The following FRMD4A variants were observed in gnomAD, a reference collection of about 807,000 sequenced individuals.
FRMD4A encodes the protein FERM domain-containing protein 4A.
In FRMD4A, 29 loss-of-function variants were observed where a neutral mutation model predicts 129.1. That is an observed-to-expected ratio of 0.22 (90% CI 0.17 to 0.31). FRMD4A has a LOEUF of 0.31. Among genes scored for constraint, FRMD4A ranks in the 10% least tolerant of loss-of-function variants. The pLI, the probability that FRMD4A is intolerant of heterozygous loss-of-function variation, is 1.00. For missense variants in FRMD4A, 1,272 were observed against 1,375.8 expected (o/e 0.92, Z 1.19); for synonymous variants, 634 against 571.6 (o/e 1.11, Z -1.56).
At chr10:13,740,059 C>G in intron 11 of FRMD4A, 135 bp downstream of exon 11, 3 of 664,368 alleles carry the variant, frequency 4.5e-6, no homozygotes, top group Non-Finnish European at 8.0e-6. Flanking sequence ...AAGATCGCAC[C>G]CTGCACACCA....
chr10:14,264,415 C>T (rs1844908234), intron 2 of FRMD4A, among the ~76,000 whole-genome samples: 1 of 152,192 alleles, frequency 6.6e-6, no homozygotes, highest in African/African-American at 2.4e-5. Flanking sequence ...ACAACAACAA[C>T]AACAAAAGTG....
chr10:14,231,750 GT>G (rs1467509003), intron 2 of FRMD4A, among the ~76,000 whole-genome samples: 1 of 152,038 alleles, frequency 6.6e-6, no homozygotes, highest in Non-Finnish European at 1.5e-5. Flanking sequence ...GTTTGTTTAT[GT>G]TTTTTGCTCA....
intron 4 of FRMD4A, among the ~76,000 whole-genome samples, chr10:13,807,090 A>G (rs2093368230): frequency 6.6e-6 from 1 of 152,202 alleles, no homozygotes; most frequent in Non-Finnish European, 1.5e-5. Context: ...TACAGGTGTG[A>G]GCCACCGCGC....
chr10:14,187,525 A>G (rs1842185935), intron 2 of FRMD4A, among the ~76,000 whole-genome samples: 1 of 152,204 alleles, frequency 6.6e-6, no homozygotes, highest in Non-Finnish European at 1.5e-5. Context: ...CCTATATCCC[A>G]TGCCTTTCTC....
intron 6 of FRMD4A, among the ~76,000 whole-genome samples, chr10:13,762,906 T>C (rs78839648): frequency 0.013 from 2,020 of 151,704 alleles, 82 homozygotes; most frequent in South Asian, 0.12. Flanking sequence ...AGGTGGGAGG[T>C]TGAGGTTGTA....
chr10:14,185,777 T>TAA (rs761514906), intron 2 of FRMD4A, among the ~76,000 whole-genome samples: 36 of 150,930 alleles, frequency 2.4e-4, no homozygotes, highest in Non-Finnish European at 4.9e-4. Context: ...AAGCAACAGA[T>TAA]ACGTACAATC....
intron 2 of FRMD4A, among the ~76,000 whole-genome samples, chr10:13,895,272 T>C (rs1692749437): frequency 6.6e-6 from 1 of 152,228 alleles, no homozygotes; most frequent in Non-Finnish European, 1.5e-5. Context: ...CATTGTGTGT[T>C]GTTCCCCTCT....
At chr10:13,787,511 G>A (rs1461416144) in intron 5 of FRMD4A, among the ~76,000 whole-genome samples, 1 of 152,064 alleles carries the variant, frequency 6.6e-6, no homozygotes, top group East Asian at 1.9e-4. Context: ...ACTCAGGCTG[G>A]AGTGCAGTGT....
chr10:13,878,822 G>GGGAAGGAGGGAA lies in FRMD4A; in HGVS notation c.46-19911_46-19910insTTCCCTCCTTCC, dbSNP rs1554953629. Among the ~76,000 whole-genome samples, 5 of 140,870 alleles carry GGGAAGGAGGGAA rather than the reference G, an allele frequency of 3.5e-5. No individual in the cohort carries two copies. The South Asian group carries it at 7.2e-4, about 20-fold the overall frequency. The allele number at this position is 140,870 out of a possible 152,430, so 92.4% of individuals were successfully genotyped here. A position where few individuals can be genotyped will look rare whatever the true frequency, so the allele number is the denominator to read the frequency against. ...AAGGAGAGAAAGAGAGAGGGAGGGA[G>GGGAAGGAGGGAA]GGAAGGAAGGAAGGAAGGAAGGAAG... On this transcript the variant is annotated intron_variant, in intron 2 of 24. Coordinates refer to ENST00000357447, the MANE Select transcript of FRMD4A (RefSeq NM_018027.5).
At chr10:14,072,188 C>T (rs113651433) in intron 2 of FRMD4A, among the ~76,000 whole-genome samples, 151 of 152,098 alleles carry the variant, frequency 9.9e-4, no homozygotes, top group African/African-American at 2.5e-3. Flanking sequence ...AGCTGAACAA[C>T]GAGAGTTTTA....
intron 2 of FRMD4A, among the ~76,000 whole-genome samples, chr10:14,141,503 C>A (rs138113321): frequency 6.6e-6 from 1 of 152,256 alleles, no homozygotes; most frequent in African/African-American, 2.4e-5. Flanking sequence ...GTGACACTCT[C>A]GCCCCAGGGG....
intron 8 of FRMD4A, among the ~76,000 whole-genome samples, chr10:13,758,525 C>G (rs972719134): frequency 6.6e-6 from 1 of 152,176 alleles, no homozygotes; most frequent in African/African-American, 2.4e-5. Flanking sequence ...GATAAGGAAA[C>G]CTGCACAGGG....
At chr10:14,146,744 C>T (rs1277649519) in intron 2 of FRMD4A, among the ~76,000 whole-genome samples, 1 of 152,194 alleles carries the variant, frequency 6.6e-6, no homozygotes, top group African/African-American at 2.4e-5. Context: ...CCAAGGCTAG[C>T]TGTCAGCTTG....
intron 8 of FRMD4A, among the ~76,000 whole-genome samples, chr10:13,752,036 A>G (rs1049739035): frequency 6.6e-6 from 1 of 152,212 alleles, no homozygotes. Flanking sequence ...AGAATAGAAA[A>G]GAAAAAGAAA....
At chr10:14,087,935 T>C (rs1319579174) in intron 2 of FRMD4A, among the ~76,000 whole-genome samples, 5 of 152,194 alleles carry the variant, frequency 3.3e-5, no homozygotes, top group Non-Finnish European at 7.3e-5. Context: ...TTCTGCTGGA[T>C]ACTAAAAAGC....
At chr10:13,910,888 G>GAAAAAAAAAAAAA (rs141449954) in intron 2 of FRMD4A, among the ~76,000 whole-genome samples, 1 of 83,100 alleles carries the variant, frequency 1.2e-5, no homozygotes, top group Admixed American at 1.4e-4. Context: ...GGAGTTTCAT[G>GAAAAAAAAAAAAA]AAAAAAAAAA....
At chr10:13,750,614 C>T (rs140008987) in intron 8 of FRMD4A, among the ~76,000 whole-genome samples, 20 of 152,188 alleles carry the variant, frequency 1.3e-4, no homozygotes, top group African/African-American at 3.4e-4. Context: ...GAGGGGAACA[C>T]GGACAGACAT....
chr10:14,167,516 GACAGA>G, intron 2 of FRMD4A, among the ~76,000 whole-genome samples: 1 of 113,942 alleles, frequency 8.8e-6, no homozygotes, highest in Non-Finnish European at 1.6e-5. Context: ...CAGCCTGGGT[GACAGA>G]GCAAGACTCC....
intron 2 of FRMD4A, among the ~76,000 whole-genome samples, chr10:14,089,859 T>C (rs1275725932): frequency 6.6e-6 from 1 of 152,206 alleles, no homozygotes; most frequent in Non-Finnish European, 1.5e-5. Context: ...CTGTCCTCTT[T>C]ATAAACCCAC....
Sources: gnomAD v4.1 joint callset for allele counts (sites outside exome capture counted in the v4.1 genomes callset) on GRCh38, gnomAD v4.1.1 for gene constraint, MANE v1.5 for transcripts, NCBI Gene and HGNC (gene_info 2026-07-23, HGNC 2026-07-21) for gene names.